Variants in PPP1R42 observed in about 807,000 individuals in gnomAD.
PPP1R42 encodes protein phosphatase 1 regulatory subunit 42.
Under a neutral mutation model 31.0 loss-of-function variants are expected in PPP1R42, and 34 were observed. The observed-to-expected ratio is 1.10, with a 90% confidence interval of 0.83 to 1.46. The LOEUF is 1.46. Among genes scored for constraint, PPP1R42 ranks in the 40% most tolerant of loss-of-function variants. The probability of loss-of-function intolerance (pLI) is 0.00; values close to 1 mark genes in which losing one functional copy is unlikely to be tolerated. For synonymous variants in PPP1R42, 103 were observed against 109.8 expected (o/e 0.94, Z 0.39); for missense variants, 268 against 303.0 (o/e 0.88, Z 0.86).
chr8:67,011,328 C>A (rs1219504652), intron 4 of PPP1R42, among the ~76,000 whole-genome samples: 2 of 152,158 alleles, frequency 1.3e-5, no homozygotes, highest in Non-Finnish European at 2.9e-5. Flanking sequence ...GAGTTCAAGA[C>A]CAGCCTGGCC....
intron 5 of PPP1R42, among the ~76,000 whole-genome samples, chr8:67,007,290 AC>A (rs1433832672): frequency 6.6e-6 from 1 of 151,914 alleles, no homozygotes. Flanking sequence ...AGTTCCCACC[AC>A]CCCCTTGTTC....
At chr8:66,983,288 T>A (rs1240089870) in intron 6 of PPP1R42, among the ~76,000 whole-genome samples, 1 of 152,132 alleles carries the variant, frequency 6.6e-6, no homozygotes, top group Non-Finnish European at 1.5e-5. Context: ...CATTTTACCA[T>A]TTTTTCCTTA....
intron 7 of PPP1R42, 61 bp from the exon 8 acceptor site, chr8:66,964,395 G>T: frequency 1.2e-6 from 1 of 868,764 alleles, no homozygotes; most frequent in Non-Finnish European, 1.5e-6. Context: ...ATCCCTAAAA[G>T]GTAGCAAACA....
intron 6 of PPP1R42, among the ~76,000 whole-genome samples, chr8:66,983,158 A>C (rs923712647): frequency 6.6e-5 from 10 of 152,162 alleles, no homozygotes; most frequent in South Asian, 2.1e-4. Flanking sequence ...CCCAATGAGA[A>C]ATAATCACTG....
At chr8:67,002,755 G>A (rs538237431) in intron 5 of PPP1R42, among the ~76,000 whole-genome samples, 8 of 125,818 alleles carry the variant, frequency 6.4e-5, no homozygotes, top group South Asian at 2.5e-4. Flanking sequence ...TTTTTTTTCC[G>A]TGCTTTACTT....
chr8:67,001,799 A>G (rs1815499280), intron 5 of PPP1R42, among the ~76,000 whole-genome samples: 1 of 152,060 alleles, frequency 6.6e-6, no homozygotes, highest in African/African-American at 2.4e-5. Context: ...GTTATTATTT[A>G]TTTTGCCTTC....
At position 66,970,719 on chromosome 8, in the gene PPP1R42, G is replaced by T. The variant is rs76768863; in HGVS notation, c.803-6385C>A. 4.6e-3 allele frequency: 2,055 copies of T among 442,820 alleles called. 36 individuals are homozygous for T. Among genetic ancestry groups the T allele is most frequent in the African/African-American group, 0.038 (1,895 of 49,416 alleles). 27.4% of individuals were successfully genotyped at this position (442,820 alleles called of 1,614,324 possible). On this transcript the variant is annotated intron_variant, in intron 7 of 7. Coordinates refer to ENST00000685739, the MANE Select transcript of PPP1R42 (RefSeq NM_001364910.1). ...TACCTACTGCCTCTGGGACTTTTCG[G>T]AGTCTCCTACCTTACCTCAGTGGGT...
intron 6 of PPP1R42, chr8:66,985,594 C>T (rs1056243794): frequency 1.1e-5 from 15 of 1,371,042 alleles, no homozygotes; most frequent in African/African-American, 5.7e-5. Flanking sequence ...GGCTTGGATT[C>T]GAGCTTGTAG....
At chr8:67,013,189 C>T in intron 3 of PPP1R42, 93 bp from the exon 4 acceptor site, 1 of 1,000,574 alleles carries the variant, frequency 1.0e-6, no homozygotes, top group Non-Finnish European at 1.4e-6. Context: ...AATCACTGAG[C>T]TGAACAAAAT....
intron 7 of PPP1R42, among the ~76,000 whole-genome samples, chr8:66,978,776 C>A (rs1814747018): frequency 6.6e-6 from 1 of 152,146 alleles, no homozygotes; most frequent in Admixed American, 6.6e-5. Context: ...TGAGATGACA[C>A]CTCATTGTGG....
chr8:67,013,917 C>T (rs1815921112), intron 3 of PPP1R42, among the ~76,000 whole-genome samples: 2 of 152,154 alleles, frequency 1.3e-5, no homozygotes, highest in Non-Finnish European at 2.9e-5. Flanking sequence ...AAATTGGATC[C>T]ACCAATCTTC....
In PPP1R42 at chr8:67,010,787, G is replaced by A. The variant is rs200689269; in HGVS notation, c.480C>T (p.Asp160=). ...ILNISNNNID[D]ITDLELLENL... ...TCTCTAGTAGTTCTAAGTCTGTAAT[G>A]TCATCAATATTATTATTGCTGATAT... is the stretch of plus-strand genomic sequence containing the variant. The change falls in exon 5 of 8, where the codon GAC becomes GAT. Residue 160 remains aspartate, a synonymous_variant. Transcript: ENST00000685739. 3 of 1,605,322 alleles carry A rather than the reference G, an allele frequency of 1.9e-6. No individual in the cohort carries two copies.
chr8:67,006,892 G>A (rs1350996546), intron 5 of PPP1R42, among the ~76,000 whole-genome samples: 4 of 149,922 alleles, frequency 2.7e-5, no homozygotes, highest in East Asian at 2.0e-4. Context: ...GACTACAGGC[G>A]CCCACACACC....
At chr8:67,016,257 T>C (rs548100945) in intron 2 of PPP1R42, among the ~76,000 whole-genome samples, 1 of 152,332 alleles carries the variant, frequency 6.6e-6, no homozygotes, top group African/African-American at 2.4e-5. Flanking sequence ...TCAATAAATA[T>C]TTATTAAGTA....
chr8:67,000,799 A>T (rs111450396), intron 5 of PPP1R42, among the ~76,000 whole-genome samples: 97 of 152,334 alleles, frequency 6.4e-4, no homozygotes, highest in African/African-American at 2.1e-3. Flanking sequence ...ATGTTCTATA[A>T]GAGTAAATTA....
intron 7 of PPP1R42, among the ~76,000 whole-genome samples, chr8:66,970,305 A>T (rs1814503645): frequency 6.9e-6 from 1 of 144,516 alleles, no homozygotes; most frequent in South Asian, 2.2e-4. Context: ...TAATTTTTGT[A>T]TTTTTTTTTT....
At chr8:67,021,890 T>C (rs1816229954) in intron 1 of PPP1R42, among the ~76,000 whole-genome samples, 1 of 152,238 alleles carries the variant, frequency 6.6e-6, no homozygotes, top group Admixed American at 6.5e-5. Flanking sequence ...TATGTAGCTC[T>C]ACAATATTTA....
At chr8:66,978,770 ATGACACCTCAT>A (rs1814746919) in intron 7 of PPP1R42, among the ~76,000 whole-genome samples, 1 of 152,172 alleles carries the variant, frequency 6.6e-6, no homozygotes, top group Non-Finnish European at 1.5e-5. Flanking sequence ...CTGGGATGAG[ATGACACCTCAT>A]TGTGGTTTTG....
At chr8:66,964,491 G>T (rs1430339697) in intron 7 of PPP1R42, among the ~76,000 whole-genome samples, 157 bp from the exon 8 acceptor site, 1 of 152,140 alleles carries the variant, frequency 6.6e-6, no homozygotes, top group Non-Finnish European at 1.5e-5. Flanking sequence ...TAAAAAGGAA[G>T]CAGAAACAAA....
Sources: allele counts gnomAD v4.1 joint callset (sites outside exome capture counted in the v4.1 genomes callset), GRCh38; gene constraint gnomAD v4.1.1; transcripts MANE v1.5; gene names NCBI Gene and HGNC (gene_info 2026-07-23, HGNC 2026-07-21).